MAN2A1: variants seen among roughly 807,000 people sequenced by gnomAD.
The protein encoded by MAN2A1 is mannosidase alpha class 2A member 1, also known as alpha-mannosidase 2.
Under a neutral mutation model 142.6 loss-of-function variants are expected in MAN2A1, and 76 were observed. The observed-to-expected ratio is 0.53, with a 90% confidence interval of 0.44 to 0.65. The LOEUF is 0.65. Among genes scored for constraint, MAN2A1 ranks in the 30% least tolerant of loss-of-function variants. The pLI, the probability that MAN2A1 is intolerant of heterozygous loss-of-function variation, is 0.00. For missense variants in MAN2A1, 1,311 were observed against 1,365.1 expected, an observed-to-expected ratio of 0.96 and a Z score of 0.62; for synonymous variants, 559 against 473.2, an observed-to-expected ratio of 1.18 and a Z score of -2.35.
At chr5:109,789,388 A>G (rs1356772756) in intron 11 of MAN2A1, 72 bp from the exon 12 acceptor site, 4 of 845,638 alleles carry the variant, frequency 4.7e-6, no homozygotes, top group African/African-American at 3.5e-5. Context: ...TTGAATTTGA[A>G]TGGTCTTCTG....
intron 21 of MAN2A1, 132 bp from the exon 22 acceptor site, chr5:109,866,714 C>T: frequency 1.8e-6 from 1 of 554,418 alleles, no homozygotes. Flanking sequence ...TTTAATCCAC[C>T]CTTTTTTCCT....
chr5:109,767,394 T>C lies in MAN2A1; in HGVS notation c.836-141T>C, dbSNP rs548196895. 227 of 581,992 alleles carry C rather than the reference T, an allele frequency of 3.9e-4. 1 individual carries two copies. In the East Asian group the frequency reaches 6.7e-3, roughly 17 times the overall value. The allele number at this position is 581,992 out of a possible 1,614,324, so 36.1% of individuals were successfully genotyped here. On this transcript the variant is annotated intron_variant, in intron 5 of 21. Coordinates refer to ENST00000261483, the MANE Select transcript of MAN2A1 (RefSeq NM_002372.4). ...TTCATGATATCTTGCTGGGAATACT[T>C]GGCAGAGGATAATGCTGGGTAGATC... is the stretch of plus-strand genomic sequence containing the variant.
At chr5:109,801,983 C>T (rs1011632836) in intron 12 of MAN2A1, among the ~76,000 whole-genome samples, 5 of 151,950 alleles carry the variant, frequency 3.3e-5, no homozygotes, top group African/African-American at 1.2e-4. Flanking sequence ...CTATGTGGGC[C>T]TATGTTAAAA....
rs532447364 is a variant in MAN2A1, at chr5:109,859,692, G to T, written c.3171+4358G>T. 2.0e-5 allele frequency among the ~76,000 whole-genome samples: 3 copies of T among 152,292 alleles called. No individual in the cohort carries two copies. In the South Asian group the frequency reaches 6.2e-4, roughly 32 times the overall value. On this transcript the variant is annotated intron_variant, in intron 20 of 21. Transcript: ENST00000261483. ...TCAGGAAAGGACCATTATTTAAGAAGAAGGGAGATTGGGTAGAGAAGATGC... is the reference window on the plus strand; with the variant it reads ...TCAGGAAAGGACCATTATTTAAGAATAAGGGAGATTGGGTAGAGAAGATGC...
chr5:109,807,916 C>G (rs149388318), intron 12 of MAN2A1, among the ~76,000 whole-genome samples: 1 of 152,270 alleles, frequency 6.6e-6, no homozygotes, highest in African/African-American at 2.4e-5. Context: ...CTGCTTTGAG[C>G]CTTCACCCCT....
chr5:109,844,279 C>G (rs898447813), intron 17 of MAN2A1, among the ~76,000 whole-genome samples: 1 of 152,200 alleles, frequency 6.6e-6, no homozygotes, highest in African/African-American at 2.4e-5. Context: ...TGTAATATTT[C>G]TGCTTTTAAA....
At chr5:109,776,359 T>C (rs1472310107) in intron 8 of MAN2A1, among the ~76,000 whole-genome samples, 1 of 152,130 alleles carries the variant, frequency 6.6e-6, no homozygotes, top group African/African-American at 2.4e-5. Context: ...TATCAGATTA[T>C]GAACTCGGAT....
intron 19 of MAN2A1, 55 bp downstream of exon 19, chr5:109,847,845 C>T: frequency 7.6e-7 from 1 of 1,313,394 alleles, no homozygotes. Context: ...TCACCCAAAA[C>T]TTGAAATTAT....
At chr5:109,697,283 A>G (rs1036585190) in intron 1 of MAN2A1, among the ~76,000 whole-genome samples, 2 of 152,216 alleles carry the variant, frequency 1.3e-5, no homozygotes, top group Non-Finnish European at 2.9e-5. Context: ...CAACATTTTA[A>G]ATATCTTCTT....
chr5:109,781,380 AT>A lies in MAN2A1; in HGVS notation c.1375-9del, dbSNP rs760508215. The stretch of plus-strand genomic sequence containing the variant: ...AAGATAGAATGAATAATTGAAGTGC[AT>A]TTTTTTAAAACTAGATACAGTTTGG... On this transcript the variant is annotated splice_polypyrimidine_tract_variant and intron_variant, in intron 8 of 21. Transcript: ENST00000261483. 2.0e-6 allele frequency: 3 copies of A among 1,520,766 alleles called. No individual in the cohort carries two copies. The highest frequency in any genetic ancestry group is 1.8e-6 in the Non-Finnish European group (2 of 1,117,412). The allele number at this position is 1,520,766 out of a possible 1,614,324, so 94.2% of individuals were successfully genotyped here.
intron 4 of MAN2A1, among the ~76,000 whole-genome samples, chr5:109,751,244 T>C (rs1752538977): frequency 6.6e-6 from 1 of 151,900 alleles, no homozygotes. Flanking sequence ...AGTGAGAACA[T>C]AGGATATTTG....
intron 3 of MAN2A1, among the ~76,000 whole-genome samples, chr5:109,728,958 G>A (rs989787981): frequency 1.3e-5 from 2 of 152,016 alleles, no homozygotes; most frequent in African/African-American, 2.4e-5. Context: ...CCCCTATTAG[G>A]ATAACAGTAC....
Position 109,831,857 on chromosome 5 carries a change from C to CT in MAN2A1, c.2566+8021dup, listed in dbSNP as rs779295809. ...TATTTATGTATACAGTTTTAAAAGT[C>CT]TGTTATAAGGCTCTAAGTATTTTAT... On this transcript the variant is annotated intron_variant, in intron 16 of 21. Transcript: ENST00000261483. 9.3e-5 allele frequency among the ~76,000 whole-genome samples: 14 copies of CT among 151,180 alleles called. 1 individual carries two copies. The highest frequency in any genetic ancestry group is 2.6e-4 in the Admixed American group (4 of 15,194).
At position 109,848,023 on chromosome 5, in the gene MAN2A1, T is replaced by C. The variant is rs369424954; in HGVS notation, c.2976+233T>C. 5.3e-5 allele frequency among the ~76,000 whole-genome samples: 8 copies of C among 152,288 alleles called. No individual in the cohort carries two copies. The East Asian group carries it at 1.5e-3, about 29-fold the overall frequency. On this transcript the variant is annotated intron_variant, in intron 19 of 21. Coordinates refer to ENST00000261483, the MANE Select transcript of MAN2A1 (RefSeq NM_002372.4). Reference sequence around the variant, plus strand: ...TGCTTATTATGTAGATAAAAAATAATGACAGGAAATCACTTTGGGTAAATA... The same window carrying C: ...TGCTTATTATGTAGATAAAAAATAACGACAGGAAATCACTTTGGGTAAATA...
intron 3 of MAN2A1, among the ~76,000 whole-genome samples, chr5:109,725,949 C>G (rs904482297): frequency 6.6e-6 from 1 of 151,678 alleles, no homozygotes; most frequent in African/African-American, 2.4e-5. Context: ...GGGTTTATGC[C>G]TGCTTTGTGG....
At chr5:109,770,600 A>C in intron 7 of MAN2A1, 59 bp downstream of exon 7, 1 of 1,481,000 alleles carries the variant, frequency 6.8e-7, no homozygotes, top group Non-Finnish European at 9.3e-7. Flanking sequence ...CTTAGCTGCT[A>C]GTTGCTGAAG....
At chr5:109,773,483 T>C (rs1753203261) in intron 7 of MAN2A1, among the ~76,000 whole-genome samples, 1 of 152,146 alleles carries the variant, frequency 6.6e-6, no homozygotes, top group Non-Finnish European at 1.5e-5. Flanking sequence ...TAGCCTTCTT[T>C]CTATGTGGTC....
At chr5:109,838,636 A>G (rs1755118830) in intron 16 of MAN2A1, among the ~76,000 whole-genome samples, 1 of 152,192 alleles carries the variant, frequency 6.6e-6, no homozygotes, top group Admixed American at 6.5e-5. Context: ...TTAAAAAAAT[A>G]ATAAATTATC....
At chr5:109,751,046 C>T (rs1368808870) in intron 4 of MAN2A1, among the ~76,000 whole-genome samples, 1 of 152,014 alleles carries the variant, frequency 6.6e-6, no homozygotes, top group East Asian at 1.9e-4. Flanking sequence ...AGTCACCCTA[C>T]TCTGCTGTCG....
Sources: allele counts gnomAD v4.1 joint callset (sites outside exome capture counted in the v4.1 genomes callset), GRCh38; gene constraint gnomAD v4.1.1; transcripts MANE v1.5; gene names NCBI Gene and HGNC (gene_info 2026-07-23, HGNC 2026-07-21).